Variants in PRKAR2B observed in about 807,000 individuals in gnomAD.
PRKAR2B encodes cAMP-dependent protein kinase type II-beta regulatory subunit.
In PRKAR2B, 14 loss-of-function variants were observed where a neutral mutation model predicts 49.9. The observed-to-expected ratio is 0.28, with a 90% CI of 0.19 to 0.44. PRKAR2B has a LOEUF of 0.44. Among genes scored for constraint, PRKAR2B ranks in the 20% least tolerant of loss-of-function variants. The pLI is 1.00. For missense variants in PRKAR2B, 393 were observed against 537.9 expected (o/e 0.73, Z 2.67); for synonymous variants, 196 against 197.7 (o/e 0.99, Z 0.07).
Position 107,116,322 on chromosome 7 carries a change from T to A in PRKAR2B, c.344-5630T>A, listed in dbSNP as rs146549521. ...TGCTGTGAAGCCTTTCCCTGCCCTC[T>A]GAGCTACCGGTTGCTCCTTTCTCGT... On this transcript the variant is annotated intron_variant, in intron 2 of 10. Transcript: ENST00000265717. Among the ~76,000 whole-genome samples, 267 of 152,336 alleles carry A rather than the reference T, an allele frequency of 1.8e-3. 2 individuals are homozygous for A. Among genetic ancestry groups the A allele is most frequent in the Non-Finnish European group, 2.8e-3 (193 of 68,026 alleles).
chr7:107,121,168 T>C (rs1211467892), intron 2 of PRKAR2B, among the ~76,000 whole-genome samples: 2 of 151,946 alleles, frequency 1.3e-5, no homozygotes, highest in East Asian at 3.9e-4. Context: ...GAAAGAAACA[T>C]GGTGATAAAT....
At chr7:107,128,443 C>T in intron 4 of PRKAR2B, 148 bp downstream of exon 4, 2 of 579,858 alleles carry the variant, frequency 3.4e-6, no homozygotes, top group South Asian at 4.7e-5. Context: ...CTTGAATGCA[C>T]AGTAGGTTGA....
In PRKAR2B at chr7:107,128,277, GT is replaced by G; in HGVS notation, c.465del (p.Phe155LeufsTer13). 2 of 1,610,660 alleles carry G rather than the reference GT, an allele frequency of 1.2e-6. No homozygotes were observed. The highest frequency in any genetic ancestry group is 1.7e-6 in the Non-Finnish European group (2 of 1,176,888). The stretch of plus-strand genomic sequence containing the variant: ...AAGAGGCTTGCAAAGACATCCTGCT[GT>G]TTAAGAATCTGGATCCGGTAAGATA... ...LQEACKDILL[F>X]KNLDPEQMSQ... On this transcript the variant is annotated frameshift_variant, in exon 4 of 11. Coordinates refer to ENST00000265717, the MANE Select transcript of PRKAR2B (RefSeq NM_002736.3). LOFTEE classifies it high-confidence loss of function.
At chr7:107,122,833 C>A (rs17425839) in intron 3 of PRKAR2B, among the ~76,000 whole-genome samples, 10,804 of 152,256 alleles carry the variant, frequency 0.071, 524 homozygotes, top group Middle Eastern at 0.15. Context: ...AGGCTTACAA[C>A]GTGGAAGATC....
At chr7:107,125,759 G>A (rs1204378897) in intron 3 of PRKAR2B, among the ~76,000 whole-genome samples, 2 of 152,126 alleles carry the variant, frequency 1.3e-5, no homozygotes, top group Non-Finnish European at 2.9e-5. Context: ...AGACCATAGT[G>A]ATGGAGGTGG....
At chr7:107,149,437 A>C (rs1795945722) in intron 6 of PRKAR2B, among the ~76,000 whole-genome samples, 1 of 152,034 alleles carries the variant, frequency 6.6e-6, no homozygotes, top group Non-Finnish European at 1.5e-5. Context: ...AAGGCACCAG[A>C]AGATTCGGTG....
intron 10 of PRKAR2B, among the ~76,000 whole-genome samples, chr7:107,158,810 G>A (rs1182450999): frequency 6.6e-6 from 1 of 152,000 alleles, no homozygotes. Context: ...TAGTGTAAAA[G>A]GCAAAGAAGA....
intron 3 of PRKAR2B, among the ~76,000 whole-genome samples, chr7:107,127,617 T>A (rs1192385170): frequency 6.6e-6 from 1 of 152,202 alleles, no homozygotes; most frequent in African/African-American, 2.4e-5. Flanking sequence ...TCTCTTGGAG[T>A]GGCAGTGCAT....
In PRKAR2B at chr7:107,159,867, G is replaced by A. The variant is rs1248152283; in HGVS notation, c.*285G>A. The A allele has an allele frequency of 3.5e-6, 1 of 284,192 alleles. No homozygotes were observed. Among genetic ancestry groups the A allele is most frequent in the Non-Finnish European group, 6.6e-6 (1 of 152,234 alleles). The allele number at this position is 284,192 out of a possible 1,614,324, so 17.6% of individuals were successfully genotyped here. On this transcript the variant is annotated 3_prime_UTR_variant, in exon 11 of 11. Coordinates refer to ENST00000265717, the MANE Select transcript of PRKAR2B (RefSeq NM_002736.3). ...TTAAAATGATTGTAATATATAGAAA[G>A]TATCTGTGTTTAAGAAGATAATTAA...
intron 4 of PRKAR2B, among the ~76,000 whole-genome samples, chr7:107,135,782 A>G (rs1194274113): frequency 1.3e-5 from 2 of 152,190 alleles, no homozygotes; most frequent in Non-Finnish European, 2.9e-5. Context: ...TATTGTCAAG[A>G]TGTCAGTTTT....
chr7:107,140,515 C>T (rs1263924689), intron 4 of PRKAR2B, among the ~76,000 whole-genome samples: 1 of 152,160 alleles, frequency 6.6e-6, no homozygotes, highest in African/African-American at 2.4e-5. Flanking sequence ...TAATTCCTTA[C>T]TAACCTGATC....
chr7:107,092,448 C>T (rs1175943829), intron 2 of PRKAR2B, among the ~76,000 whole-genome samples: 3 of 151,752 alleles, frequency 2.0e-5, no homozygotes, highest in African/African-American at 7.3e-5. Context: ...CAGGGGATAG[C>T]GGTGTTTAAG....
At chr7:107,079,138 A>G (rs1227213524) in intron 2 of PRKAR2B, among the ~76,000 whole-genome samples, 2 of 152,168 alleles carry the variant, frequency 1.3e-5, no homozygotes, top group African/African-American at 4.8e-5. Context: ...ATGTAGTGCA[A>G]CCATTCTTTA....
At chr7:107,146,933 A>G (rs1795904738) in intron 6 of PRKAR2B, among the ~76,000 whole-genome samples, 1 of 152,194 alleles carries the variant, frequency 6.6e-6, no homozygotes, top group South Asian at 2.1e-4. Context: ...TGCATCAGAA[A>G]TTCGGAGTTT....
At chr7:107,045,925 T>G (rs1229347506) in intron 1 of PRKAR2B, among the ~76,000 whole-genome samples, 2 of 152,206 alleles carry the variant, frequency 1.3e-5, no homozygotes, top group African/African-American at 4.8e-5. Flanking sequence ...ACATATTGAA[T>G]GATTTGGTGC....
intron 4 of PRKAR2B, among the ~76,000 whole-genome samples, chr7:107,130,474 C>T (rs927389522): frequency 6.6e-6 from 1 of 151,920 alleles, no homozygotes. Context: ...CACTGCACTC[C>T]AGCCTGGGCA....
chr7:107,079,700 C>T (rs1794479982), intron 2 of PRKAR2B, among the ~76,000 whole-genome samples: 1 of 152,160 alleles, frequency 6.6e-6, no homozygotes, highest in African/African-American at 2.4e-5. Flanking sequence ...TCCCTCCCTT[C>T]CTTCCTTCCG....
chr7:107,121,528 G>T (rs1309160963), intron 2 of PRKAR2B, among the ~76,000 whole-genome samples: 1 of 152,044 alleles, frequency 6.6e-6, no homozygotes. Context: ...GCTGAAGTAC[G>T]CAAAATGTTA....
At chr7:107,083,094 C>T (rs1056260868) in intron 2 of PRKAR2B, among the ~76,000 whole-genome samples, 11 of 151,406 alleles carry the variant, frequency 7.3e-5, no homozygotes, top group South Asian at 2.1e-4. Flanking sequence ...TTTGTAATTC[C>T]GAGGCTGGGT....
Sources: gnomAD v4.1 joint callset for allele counts (sites outside exome capture counted in the v4.1 genomes callset) on GRCh38, gnomAD v4.1.1 for gene constraint, MANE v1.5 for transcripts, NCBI Gene and HGNC (gene_info 2026-07-23, HGNC 2026-07-21) for gene names.